NAALADL2: variants seen among roughly 807,000 people sequenced by gnomAD.
NAALADL2 encodes the protein N-acetylated alpha-linked acidic dipeptidase like 2.
A neutral mutation model predicts 87.2 loss-of-function variants in NAALADL2; 76 were observed. The ratio of observed to expected loss-of-function variants is 0.87; its 90% CI spans 0.72 to 1.05. The LOEUF is 1.05. NAALADL2 is among the 50% of genes least tolerant of loss of function. NAALADL2 has a pLI of 0.00. For synonymous variants in NAALADL2, 354 were observed against 331.0 expected, an observed-to-expected ratio of 1.07 and a Z score of -0.75; for missense variants, 1,089 against 945.8, an observed-to-expected ratio of 1.15 and a Z score of -1.99.
chr3:174,677,406 T>C (rs1287223119), intron 2 of NAALADL2, among the ~76,000 whole-genome samples: 1 of 152,088 alleles, frequency 6.6e-6, no homozygotes, highest in Non-Finnish European at 1.5e-5. Context: ...ATACGATTAT[T>C]GAGTTACTTT....
At chr3:175,133,990 C>A (rs1391188554) in intron 2 of NAALADL2, among the ~76,000 whole-genome samples, 1 of 152,066 alleles carries the variant, frequency 6.6e-6, no homozygotes, top group African/African-American at 2.4e-5. Flanking sequence ...TACTAATTCC[C>A]CAGATAATCA....
At chr3:174,689,214 C>G (rs964504596) in intron 2 of NAALADL2, among the ~76,000 whole-genome samples, 2 of 151,928 alleles carry the variant, frequency 1.3e-5, no homozygotes, top group Admixed American at 1.3e-4. Context: ...GGTATGAGCT[C>G]ACTTTGTCTA....
At chr3:174,803,594 T>C (rs948799946) in intron 3 of NAALADL2, among the ~76,000 whole-genome samples, 2 of 149,510 alleles carry the variant, frequency 1.3e-5, no homozygotes, top group African/African-American at 4.8e-5. Flanking sequence ...AGGGTTTTTA[T>C]GGTCTTAGGT....
At chr3:174,700,964 CA>C (rs1301422250) in intron 2 of NAALADL2, among the ~76,000 whole-genome samples, 2 of 151,978 alleles carry the variant, frequency 1.3e-5, no homozygotes, top group African/African-American at 2.4e-5. Flanking sequence ...AAAAGAATGC[CA>C]ATCTGACTGC....
At chr3:175,603,382 T>A (rs1419786498) in intron 10 of NAALADL2, among the ~76,000 whole-genome samples, 1 of 152,240 alleles carries the variant, frequency 6.6e-6, no homozygotes, top group Non-Finnish European at 1.5e-5. Flanking sequence ...CATAGACTCA[T>A]ATTGTTTGAA....
chr3:174,955,315 C>A (rs1740990509), intron 1 of NAALADL2, among the ~76,000 whole-genome samples: 1 of 152,058 alleles, frequency 6.6e-6, no homozygotes, highest in South Asian at 2.1e-4. Flanking sequence ...ACATTCAGTG[C>A]AAAATAAAAT....
chr3:174,899,663 C>A (rs1450680740), intron 1 of NAALADL2, among the ~76,000 whole-genome samples: 1 of 152,148 alleles, frequency 6.6e-6, no homozygotes, highest in Non-Finnish European at 1.5e-5. Context: ...GCCAATTCCA[C>A]CTCTTTGCTT....
intron 2 of NAALADL2, among the ~76,000 whole-genome samples, chr3:174,696,199 A>G (rs1728994748): frequency 6.6e-6 from 1 of 152,052 alleles, no homozygotes; most frequent in Non-Finnish European, 1.5e-5. Flanking sequence ...GTACAAAATA[A>G]TATCTCTTCT....
chr3:174,824,136 T>A (rs867396627), intron 3 of NAALADL2, among the ~76,000 whole-genome samples: 1 of 152,216 alleles, frequency 6.6e-6, no homozygotes, highest in East Asian at 1.9e-4. Context: ...GCTTACACTT[T>A]ATTAGGATCA....
chr3:174,819,587 T>G (rs932632927), intron 3 of NAALADL2, among the ~76,000 whole-genome samples: 9 of 152,152 alleles, frequency 5.9e-5, no homozygotes, highest in African/African-American at 2.2e-4. Context: ...TTCAACTACT[T>G]TTAGTAATGG....
chr3:174,992,596 T>A (rs1746885194), intron 1 of NAALADL2, among the ~76,000 whole-genome samples: 1 of 152,150 alleles, frequency 6.6e-6, no homozygotes, highest in Non-Finnish European at 1.5e-5. Flanking sequence ...CTGTTTAATT[T>A]CTTTCAGATT....
chr3:174,448,357 A>G (rs1715215770), intron 1 of NAALADL2, among the ~76,000 whole-genome samples: 1 of 152,002 alleles, frequency 6.6e-6, no homozygotes, highest in African/African-American at 2.4e-5. Flanking sequence ...AAGCTATTTC[A>G]TCACCACAAA....
chr3:174,810,474 C>A (rs929179750), intron 3 of NAALADL2, among the ~76,000 whole-genome samples: 5 of 152,026 alleles, frequency 3.3e-5, no homozygotes, highest in Non-Finnish European at 5.9e-5. Flanking sequence ...TGCCTCTGCC[C>A]TAGGGATCTG....
chr3:174,935,778 A>G (rs772205477), intron 1 of NAALADL2, among the ~76,000 whole-genome samples: 1 of 152,168 alleles, frequency 6.6e-6, no homozygotes, highest in Non-Finnish European at 1.5e-5. Context: ...TTAGGAGATG[A>G]CATTCTGTTT....
chr3:175,307,033 G>A (rs1274399252), intron 4 of NAALADL2, among the ~76,000 whole-genome samples: 1 of 152,074 alleles, frequency 6.6e-6, no homozygotes, highest in Admixed American at 6.6e-5. Flanking sequence ...AGATTTGCTC[G>A]CTCTTTGCCC....
In NAALADL2 at chr3:175,096,830, A is replaced by T. The variant is rs768161546; in HGVS notation, c.84A>T (p.Arg28Ser). ...MAYQKVHADQ[R>S]APGHSQYLDN... is the part of the protein sequence containing the mutation. ...ATCAGAAGGTCCATGCAGATCAAAG[A>T]GCTCCAGGACACTCACAGTACTTAG... Residue 28 changes from arginine to serine, a missense_variant, in exon 2 of 14, where the codon AGA (arginine) becomes AGT (serine). By Grantham distance (110) the Arg-to-Ser change is moderately radical. Transcript: ENST00000454872. 1.2e-6 allele frequency: 2 copies of T among 1,603,356 alleles called. No homozygotes were observed. The highest frequency in any genetic ancestry group is 3.4e-5 in the Admixed American group (2 of 58,052).
intron 2 of NAALADL2, among the ~76,000 whole-genome samples, chr3:175,114,284 G>A (rs9862410): frequency 0.072 from 10,863 of 151,598 alleles, 794 homozygotes; most frequent in African/African-American, 0.19. Context: ...TGGCAGTATT[G>A]ATTGTTAACA....
At position 175,379,986 on chromosome 3, in the gene NAALADL2, G is replaced by A. The variant is rs568734304; in HGVS notation, c.1090+55661G>A. Reference sequence around the variant, plus strand: ...ACACTGCATGTTCTCACTCATAGGTGGGAATTGAACAATGAGAACACATGG... The same window carrying A: ...ACACTGCATGTTCTCACTCATAGGTAGGAATTGAACAATGAGAACACATGG... On this transcript the variant is annotated intron_variant, in intron 5 of 13. Transcript: ENST00000454872. 6.6e-5 allele frequency among the ~76,000 whole-genome samples: 10 copies of A among 152,060 alleles called. No individual in the cohort carries two copies. In the South Asian group the frequency reaches 1.9e-3, roughly 28 times the overall value.
intron 9 of NAALADL2, among the ~76,000 whole-genome samples, chr3:175,552,429 C>T (rs1714567073): frequency 6.6e-6 from 1 of 152,092 alleles, no homozygotes; most frequent in African/African-American, 2.4e-5. Flanking sequence ...GCAATTCTGC[C>T]TATTAAACTA....
Sources: gnomAD v4.1 joint callset for allele counts (sites outside exome capture counted in the v4.1 genomes callset) on GRCh38, gnomAD v4.1.1 for gene constraint, MANE v1.5 for transcripts, NCBI Gene and HGNC (gene_info 2026-07-23, HGNC 2026-07-21) for gene names.